Variants in KATNIP observed in about 807,000 individuals in gnomAD.
KATNIP encodes the protein katanin interacting protein.
Under a neutral mutation model 174.0 loss-of-function variants are expected in KATNIP, and 126 were observed. That is an observed-to-expected ratio of 0.72 (90% CI 0.63 to 0.84). The LOEUF is 0.84. KATNIP is among the 40% of genes least tolerant of loss of function. The pLI is 0.00. For synonymous variants in KATNIP, 810 were observed against 835.7 expected (o/e 0.97, Z 0.53); for missense variants, 1,958 against 2,109.7 (o/e 0.93, Z 1.41).
At chr16:27,690,488 G>A (rs558360746) in intron 8 of KATNIP, among the ~76,000 whole-genome samples, 46 of 152,258 alleles carry the variant, frequency 3.0e-4, no homozygotes, top group African/African-American at 1.1e-3. Flanking sequence ...ACATTGCAGC[G>A]GTCCACATAC....
intron 2 of KATNIP, among the ~76,000 whole-genome samples, chr16:27,605,818 T>A (rs2075683338): frequency 6.6e-6 from 1 of 152,132 alleles, no homozygotes; most frequent in Non-Finnish European, 1.5e-5. Context: ...ATAACTGATG[T>A]GTTAGCAAAT....
At chr16:27,726,044 A>G (rs905987501) in intron 14 of KATNIP, among the ~76,000 whole-genome samples, 35 of 152,154 alleles carry the variant, frequency 2.3e-4, no homozygotes, top group African/African-American at 8.0e-4. Context: ...CAGACTGCAC[A>G]GTAGGAGGTG....
intron 5 of KATNIP, among the ~76,000 whole-genome samples, chr16:27,645,649 C>T (rs1407181306): frequency 6.6e-6 from 1 of 152,202 alleles, no homozygotes; most frequent in Non-Finnish European, 1.5e-5. Context: ...AACCCAGCTT[C>T]TCTGTTGCGC....
chr16:27,614,328 T>C (rs1776116185), intron 2 of KATNIP, among the ~76,000 whole-genome samples: 1 of 151,854 alleles, frequency 6.6e-6, no homozygotes, highest in African/African-American at 2.4e-5. Flanking sequence ...CCCAGCTAAT[T>C]TTTTGTATTT....
Position 27,628,687 on chromosome 16 carries a change from AC to A in KATNIP, c.171del (p.Val58CysfsTer3). On this transcript the variant is annotated frameshift_variant, in exon 4 of 28. Transcript: ENST00000261588. LOFTEE classifies it high-confidence loss of function. ...NRILKHLKSK[D>X]PVQLRLEHLE... The stretch of plus-strand genomic sequence containing the variant: ...ATATTAAAGCATTTGAAAAGCAAGG[AC>A]CCCGTGCAATTGAGGCTGGAGCACT... The A allele has an allele frequency of 5.6e-6, 9 of 1,614,094 alleles. No individual in the cohort carries two copies. The highest frequency in any genetic ancestry group is 7.6e-6 in the Non-Finnish European group (9 of 1,180,008).
intron 5 of KATNIP, among the ~76,000 whole-genome samples, chr16:27,647,725 G>A (rs376782409): frequency 5.5e-4 from 83 of 152,182 alleles, no homozygotes; most frequent in Admixed American, 6.5e-4. Flanking sequence ...GGCTGGTCTC[G>A]AACTCCTGAC....
chr16:27,568,628 C>T (rs1016384300), intron 1 of KATNIP, among the ~76,000 whole-genome samples: 52 of 152,142 alleles, frequency 3.4e-4, no homozygotes, highest in African/African-American at 1.3e-3. Flanking sequence ...TCACGCCCAG[C>T]TAATTTTTGT....
chr16:27,666,332 A>T (rs1305986377), intron 6 of KATNIP, among the ~76,000 whole-genome samples: 1 of 152,240 alleles, frequency 6.6e-6, no homozygotes, highest in African/African-American at 2.4e-5. Context: ...TATTTAAAAC[A>T]CATGTATAAT....
intron 5 of KATNIP, chr16:27,644,452 A>C (rs967937898): frequency 6.6e-6 from 1 of 151,702 alleles, no homozygotes; most frequent in Admixed American, 6.6e-5. Flanking sequence ...TTGTCTCTCA[A>C]TTTCCTCCTG....
At chr16:27,774,811 C>A in intron 23 of KATNIP, 134 bp from the exon 24 acceptor site, 1 of 998,324 alleles carries the variant, frequency 1.0e-6, no homozygotes, top group Non-Finnish European at 1.5e-6. Flanking sequence ...TCCAATTCAG[C>A]TGTCACTGCT....
chr16:27,769,720 G>A (rs1446461384), intron 20 of KATNIP, 141 bp from the exon 21 acceptor site: 3 of 967,700 alleles, frequency 3.1e-6, no homozygotes, highest in South Asian at 3.0e-5. Context: ...ACCTGATATG[G>A]GAAATGGACC....
At chr16:27,711,474 T>C (rs1276322074) in intron 13 of KATNIP, among the ~76,000 whole-genome samples, 1 of 152,204 alleles carries the variant, frequency 6.6e-6, no homozygotes, top group Non-Finnish European at 1.5e-5. Flanking sequence ...CTTCATTCCC[T>C]TAGTTCATAC....
chr16:27,662,558 T>C (rs911170625), intron 6 of KATNIP, among the ~76,000 whole-genome samples: 2 of 152,118 alleles, frequency 1.3e-5, no homozygotes, highest in African/African-American at 4.8e-5. Context: ...GCATGAATGA[T>C]GTGAAATGAT....
chr16:27,765,484 C>G (rs116157559), intron 19 of KATNIP, among the ~76,000 whole-genome samples: 4 of 152,178 alleles, frequency 2.6e-5, no homozygotes, highest in African/African-American at 9.7e-5. Flanking sequence ...CCAGGCCATG[C>G]GGTCACAGAG....
chr16:27,681,512 C>T lies in KATNIP; in HGVS notation c.922C>T (p.Gln308Ter), dbSNP rs145247651. 12 of 1,614,088 alleles carry T rather than the reference C, an allele frequency of 7.4e-6. No homozygotes were observed. Among genetic ancestry groups the T allele is most frequent in the Non-Finnish European group, 9.3e-6 (11 of 1,180,034 alleles). Reference sequence around the variant, plus strand: ...CCAAGCTCCTGCTGTATTCCCAGACCAGGAGAGGATGTGCTCCAGTAAGAG... The same window carrying T: ...CCAAGCTCCTGCTGTATTCCCAGACTAGGAGAGGATGTGCTCCAGTAAGAG... The part of the protein sequence containing the change: ...TPQAPAVFPD[Q>*]ERMCSRPGSR... The change falls in exon 8 of 28, where the codon CAG becomes TAG. Residue 308 changes from glutamine to a stop codon, truncating the protein, a stop_gained. Transcript: ENST00000261588. LOFTEE classifies it high-confidence loss of function.
At chr16:27,628,454 G>T in intron 3 of KATNIP, 2 of 561,634 alleles carry the variant, frequency 3.6e-6, no homozygotes, top group East Asian at 3.0e-5. Flanking sequence ...TTCCCTGTAG[G>T]GCCCCAAACT....
At chr16:27,681,255 C>G in intron 7 of KATNIP, 144 bp from the exon 8 acceptor site, 2 of 1,056,278 alleles carry the variant, frequency 1.9e-6, no homozygotes, top group East Asian at 4.8e-5. Context: ...CTGCATTATT[C>G]ACATCTCTAA....
intron 18 of KATNIP, 106 bp from the exon 19 acceptor site, chr16:27,761,307 A>C: frequency 8.3e-7 from 1 of 1,211,710 alleles, no homozygotes; most frequent in Non-Finnish European, 1.1e-6. Flanking sequence ...TCTGGGTTGA[A>C]GTTGCTAGAA....
At chr16:27,568,814 G>A (rs2141662092) in intron 1 of KATNIP, among the ~76,000 whole-genome samples, 1 of 152,152 alleles carries the variant, frequency 6.6e-6, no homozygotes, top group South Asian at 2.1e-4. Flanking sequence ...CCTTACACTG[G>A]ATTTCTTTAC....
Sources: gnomAD v4.1 joint callset for allele counts (sites outside exome capture counted in the v4.1 genomes callset) on GRCh38, gnomAD v4.1.1 for gene constraint, MANE v1.5 for transcripts, NCBI Gene and HGNC (gene_info 2026-07-23, HGNC 2026-07-21) for gene names.